KCNMA1: variants seen among roughly 807,000 people sequenced by gnomAD.
The protein encoded by KCNMA1 is potassium calcium-activated channel subfamily M alpha 1.
KCNMA1 carries 29 observed loss-of-function variants against 140.0 expected under a neutral mutation model. The observed-to-expected ratio is 0.21, with a 90% CI of 0.15 to 0.28. The LOEUF (loss-of-function observed/expected upper bound fraction) is 0.28, where lower values mean the gene tolerates loss of function less well. KCNMA1 is among the 10% of genes least tolerant of loss of function. KCNMA1 has a pLI of 1.00. For missense variants in KCNMA1, 880 were observed against 1,602.2 expected, an observed-to-expected ratio of 0.55 and a Z score of 7.70; for synonymous variants, 612 against 611.9, an observed-to-expected ratio of 1.00 and a Z score of 0.00.
In KCNMA1 at chr10:76,887,339, G is replaced by A. The variant is rs144301574; in HGVS notation, c.3638C>T (p.Ala1213Val). 3 of 1,613,978 alleles carry A rather than the reference G, an allele frequency of 1.9e-6. No individual in the cohort carries two copies. The African/African-American group carries it at 4.0e-5, about 22-fold the overall frequency. Residue 1213 changes from alanine to valine, a missense_variant, in exon 28 of 28, where the codon GCA becomes GTA. This residue lies in a region of KCNMA1 where 115 missense variants were observed against 139.9 expected (regional missense o/e 0.82). Coordinates refer to ENST00000286628, the MANE Select transcript of KCNMA1 (RefSeq NM_001161352.2). ...GGACTTGGGCCGGTTCTGTCGGTTT[G>A]CTGTGGATGGGATGGAGTGAACAGA... The part of the protein sequence containing the change: ...SSSVHSIPST[A>V]NRQNRPKSRE...
chr10:76,894,082 T>C (rs931012259), intron 25 of KCNMA1, among the ~76,000 whole-genome samples: 55 of 152,146 alleles, frequency 3.6e-4, no homozygotes, highest in African/African-American at 1.2e-3. Context: ...TTTCAAAACA[T>C]ACTACAAGAC....
intron 2 of KCNMA1, among the ~76,000 whole-genome samples, chr10:77,308,598 C>T (rs1240944747): frequency 6.6e-6 from 1 of 152,134 alleles, no homozygotes; most frequent in African/African-American, 2.4e-5. Flanking sequence ...TTCCAGCTGC[C>T]GCCTTGTCAG....
At chr10:77,005,085 C>T (rs1593346070) in intron 18 of KCNMA1, among the ~76,000 whole-genome samples, 2 of 152,292 alleles carry the variant, frequency 1.3e-5, no homozygotes, top group East Asian at 3.9e-4. Flanking sequence ...ACAAGGTTTT[C>T]CCCAGGATGT....
chr10:76,910,436 G>GC, intron 24 of KCNMA1: 1 of 341,858 alleles, frequency 2.9e-6, no homozygotes, highest in South Asian at 2.5e-5. Context: ...TGGTAACCAA[G>GC]TCCTTTGAGA....
At chr10:77,221,940 G>A (rs1317603418) in intron 3 of KCNMA1, among the ~76,000 whole-genome samples, 10 of 152,270 alleles carry the variant, frequency 6.6e-5, no homozygotes, top group Non-Finnish European at 2.9e-5. Context: ...TGTCACTTAC[G>A]AGCTGCATGA....
intron 2 of KCNMA1, among the ~76,000 whole-genome samples, chr10:77,251,947 C>T (rs1381275396): frequency 6.6e-6 from 1 of 152,182 alleles, no homozygotes; most frequent in Non-Finnish European, 1.5e-5. Context: ...TATGTGTGGA[C>T]ATACATAAAG....
chr10:77,050,687 C>G (rs2095329823), intron 14 of KCNMA1, among the ~76,000 whole-genome samples: 1 of 152,186 alleles, frequency 6.6e-6, no homozygotes, highest in South Asian at 2.1e-4. Context: ...GATGCTTCCC[C>G]TATAGGGCCC....
At chr10:77,349,052 T>C (rs766486935) in intron 2 of KCNMA1, among the ~76,000 whole-genome samples, 5 of 152,230 alleles carry the variant, frequency 3.3e-5, no homozygotes, top group African/African-American at 9.6e-5. Flanking sequence ...CTTACTTTCT[T>C]AATGCAATCC....
chr10:76,928,423 C>T (rs2058377898), intron 23 of KCNMA1, among the ~76,000 whole-genome samples: 1 of 152,058 alleles, frequency 6.6e-6, no homozygotes, highest in Admixed American at 6.6e-5. Flanking sequence ...ACTCAGACCC[C>T]GCCCCCAACA....
At chr10:77,392,960 C>T (rs372323236) in intron 2 of KCNMA1, among the ~76,000 whole-genome samples, 7 of 152,186 alleles carry the variant, frequency 4.6e-5, no homozygotes, top group Admixed American at 3.3e-4. Flanking sequence ...AAGGCATTTC[C>T]TGTGACACAT....
At chr10:77,146,139 T>C (rs2098284213) in intron 5 of KCNMA1, among the ~76,000 whole-genome samples, 1 of 152,230 alleles carries the variant, frequency 6.6e-6, no homozygotes, top group African/African-American at 2.4e-5. Context: ...GTTTACAATC[T>C]ACATTTGTAT....
intron 23 of KCNMA1, among the ~76,000 whole-genome samples, chr10:76,917,478 T>G (rs914637597): frequency 6.6e-6 from 1 of 152,198 alleles, no homozygotes; most frequent in Non-Finnish European, 1.5e-5. Context: ...AAGACTCAAT[T>G]CCTTTGCATG....
intron 5 of KCNMA1, among the ~76,000 whole-genome samples, chr10:77,124,589 C>T (rs1418675257): frequency 3.9e-5 from 6 of 152,140 alleles, no homozygotes; most frequent in Non-Finnish European, 8.8e-5. Flanking sequence ...GCAAAAGGGA[C>T]CCAGGGTGAT....
chr10:77,187,427 C>G (rs902654527), intron 3 of KCNMA1, among the ~76,000 whole-genome samples: 1 of 152,152 alleles, frequency 6.6e-6, no homozygotes, highest in Non-Finnish European at 1.5e-5. Context: ...TAACAACACC[C>G]CTGGTTTACA....
chr10:77,364,347 A>C (rs746827282), intron 2 of KCNMA1, among the ~76,000 whole-genome samples: 1 of 152,082 alleles, frequency 6.6e-6, no homozygotes, highest in Non-Finnish European at 1.5e-5. Flanking sequence ...GCTACTTGGG[A>C]GGCTGAGGCA....
In KCNMA1 at chr10:77,476,083, C is replaced by G. The variant is rs377460882; in HGVS notation, c.379-72060G>C. Among the ~76,000 whole-genome samples, 21 of 152,294 alleles carry G rather than the reference C, an allele frequency of 1.4e-4. No homozygotes were observed. In the East Asian group the frequency reaches 2.7e-3, roughly 20 times the overall value. On this transcript the variant is annotated intron_variant, in intron 1 of 27. Transcript: ENST00000286628. ...ACCTGGATACTTCCTCCAGGCCGCA[C>G]GGTGCTGGCCTCCTCCAGCGACTTT...
intron 2 of KCNMA1, among the ~76,000 whole-genome samples, chr10:77,264,997 A>G (rs1479577635): frequency 6.6e-6 from 1 of 152,048 alleles, no homozygotes; most frequent in Non-Finnish European, 1.5e-5. Flanking sequence ...TGGAATTTTC[A>G]TTCTCGGGCA....
intron 1 of KCNMA1, among the ~76,000 whole-genome samples, chr10:77,570,834 G>A (rs1458599296): frequency 6.6e-6 from 1 of 152,054 alleles, no homozygotes; most frequent in East Asian, 1.9e-4. Context: ...TGGAAGCTGA[G>A]GCAGGAGGAT....
At chr10:77,347,271 A>G (rs1191834894) in intron 2 of KCNMA1, among the ~76,000 whole-genome samples, 1 of 152,244 alleles carries the variant, frequency 6.6e-6, no homozygotes, top group Non-Finnish European at 1.5e-5. Context: ...GTCATTAAGC[A>G]TCACTGCATG....
Sources: gnomAD v4.1 joint callset for allele counts (sites outside exome capture counted in the v4.1 genomes callset) on GRCh38, gnomAD v4.1.1 for gene constraint, gnomAD v4.1.1 regional missense constraint, MANE v1.5 for transcripts, NCBI Gene and HGNC (gene_info 2026-07-23, HGNC 2026-07-21) for gene names.